Variants in NXN observed in about 807,000 individuals in gnomAD.
NXN encodes the protein nucleoredoxin 1.
In NXN, 16 loss-of-function variants were observed where a neutral mutation model predicts 48.6. The ratio of observed to expected loss-of-function variants is 0.33; its 90% CI spans 0.22 to 0.50. The LOEUF is 0.50. Among genes scored for constraint, NXN ranks in the 20% least tolerant of loss-of-function variants. The pLI, the probability that NXN is intolerant of heterozygous loss-of-function variation, is 0.98. For synonymous variants in NXN, 281 were observed against 269.6 expected, an observed-to-expected ratio of 1.04 and a Z score of -0.41; for missense variants, 492 against 605.5, an observed-to-expected ratio of 0.81 and a Z score of 1.97.
At chr17:927,580 CAAAAAAAA>C (rs71371593) in intron 1 of NXN, among the ~76,000 whole-genome samples, 1 of 117,624 alleles carries the variant, frequency 8.5e-6, no homozygotes, top group Non-Finnish European at 1.7e-5. Flanking sequence ...AACCTTGTCT[CAAAAAAAA>C]AAAAAAAAAA....
At position 917,825 on chromosome 17, in the gene NXN, G is replaced by A. The variant is rs2068703922; in HGVS notation, c.360+61494C>T. ...TGGGGACAAGGGCGGATGGGAAAGG[G>A]GATAAGCGACAGGAGAGGGGGGACT... On this transcript the variant is annotated intron_variant, in intron 1 of 7. Transcript: ENST00000336868. The surrounding 1 kb of genome is among the most constrained non-coding windows in gnomAD (Gnocchi z 4.5). 6.6e-6 allele frequency among the ~76,000 whole-genome samples: 1 copy of A among 152,186 alleles called. No homozygotes were observed. Among genetic ancestry groups the A allele is most frequent in the African/African-American group, 2.4e-5 (1 of 41,448 alleles).
intron 1 of NXN, among the ~76,000 whole-genome samples, chr17:951,840 C>T (rs1331933068): frequency 2.0e-5 from 3 of 152,112 alleles, no homozygotes; most frequent in African/African-American, 7.2e-5. Flanking sequence ...GGACGGGAGG[C>T]AGGAAAGCAA....
intron 1 of NXN, among the ~76,000 whole-genome samples, chr17:835,119 T>G (rs551290142): frequency 5.3e-5 from 8 of 150,682 alleles, no homozygotes; most frequent in Non-Finnish European, 1.0e-4. Context: ...CCATCCTGGC[T>G]AACATGGTGA....
chr17:927,816 A>C (rs1231892706), intron 1 of NXN, among the ~76,000 whole-genome samples: 1 of 151,514 alleles, frequency 6.6e-6, no homozygotes, highest in Non-Finnish European at 1.5e-5. Flanking sequence ...TTTCAAAAGA[A>C]CTCCTAGAGA....
At chr17:820,226 C>T (rs993800599) in intron 4 of NXN, among the ~76,000 whole-genome samples, 19 of 152,136 alleles carry the variant, frequency 1.2e-4, no homozygotes, top group African/African-American at 4.3e-4. Context: ...TAACATGGTA[C>T]GTACATTGGT....
rs200533384 is a variant in NXN, at chr17:819,500, G to A, written c.759C>T (p.Leu253=). The change falls in exon 5 of 8, where the codon CTC becomes CTT. Residue 253 remains leucine, a synonymous_variant. Transcript: ENST00000336868. The part of the protein sequence containing the change: ...FKQYFSEMPW[L]AVPYTDEARR... ...GGGCCTCATCCGTGTAGGGGACGGCGAGCCAGGGCATCTCACTGAAGTACT... is the reference window on the plus strand; with the variant it reads ...GGGCCTCATCCGTGTAGGGGACGGCAAGCCAGGGCATCTCACTGAAGTACT... 103 of 1,612,976 alleles carry A rather than the reference G, an allele frequency of 6.4e-5. 1 individual carries two copies. Among genetic ancestry groups the A allele is most frequent in the South Asian group, 2.4e-4 (22 of 90,952 alleles).
At chr17:968,279 T>C (rs1213383475) in intron 1 of NXN, among the ~76,000 whole-genome samples, 3 of 152,166 alleles carry the variant, frequency 2.0e-5, no homozygotes, top group African/African-American at 4.8e-5. Context: ...AAATAAATAA[T>C]ATTAAGAGAC....
At chr17:819,815 A>G (rs572713264) in intron 4 of NXN, among the ~76,000 whole-genome samples, 7 of 152,196 alleles carry the variant, frequency 4.6e-5, no homozygotes, top group Admixed American at 2.6e-4. Context: ...CTCAGGTCCA[A>G]CTTTCCATTT....
At chr17:893,199 T>A (rs914171373) in intron 1 of NXN, among the ~76,000 whole-genome samples, 9 of 152,218 alleles carry the variant, frequency 5.9e-5, no homozygotes, top group African/African-American at 1.9e-4. Flanking sequence ...CACGAGTCAA[T>A]CAGTGCAGTT....
At chr17:842,118 A>T (rs1337891352) in intron 1 of NXN, among the ~76,000 whole-genome samples, 1 of 152,152 alleles carries the variant, frequency 6.6e-6, no homozygotes, top group Non-Finnish European at 1.5e-5. Context: ...CCTGGGCGAC[A>T]GAGAGAGACT....
In NXN at chr17:919,641, C is replaced by G. The variant is rs112118561; in HGVS notation, c.360+59678G>C. On this transcript the variant is annotated intron_variant, in intron 1 of 7. Transcript: ENST00000336868. This position sits in a 1 kb window ranked among gnomAD's most constrained non-coding sequence, Gnocchi z 5.1. ...ATTCGTCCCACGCGGCCCTCAGACA[C>G]GGGCTCTGGTTCAAGGTGGGAGACA... is the stretch of plus-strand genomic sequence containing the variant. 5.1e-3 allele frequency among the ~76,000 whole-genome samples: 775 copies of G among 152,186 alleles called. 5 individuals are homozygous for G. Among genetic ancestry groups the G allele is most frequent in the African/African-American group, 0.017 (726 of 41,492 alleles).
At chr17:853,056 C>A (rs893255764) in intron 1 of NXN, among the ~76,000 whole-genome samples, 2 of 151,982 alleles carry the variant, frequency 1.3e-5, no homozygotes, top group African/African-American at 4.8e-5. Context: ...CAGCTCACTG[C>A]AAGCTCCACC....
intron 1 of NXN, among the ~76,000 whole-genome samples, chr17:867,895 C>CAA (rs201632429): frequency 8.2e-6 from 1 of 121,890 alleles, no homozygotes; most frequent in African/African-American, 3.0e-5. Context: ...GACTCCAACT[C>CAA]AAAAAAAAAA....
chr17:914,781 G>A (rs958753955), intron 1 of NXN, among the ~76,000 whole-genome samples: 4 of 152,182 alleles, frequency 2.6e-5, no homozygotes, highest in African/African-American at 9.6e-5. Flanking sequence ...GTTGGGTGTA[G>A]AGGAGGCGGA....
Position 826,953 on chromosome 17 carries a change from C to T in NXN, c.361-875G>A, listed in dbSNP as rs111563914. On this transcript the variant is annotated intron_variant, in intron 1 of 7. Coordinates refer to ENST00000336868, the MANE Select transcript of NXN (RefSeq NM_022463.5). ...AGCGTGGGCGGCCTCTGTTCGCCAT[C>T]GGGGTGAAGCCTCCTGTGTTCGTTC... Among the ~76,000 whole-genome samples the T allele has an allele frequency of 8.5e-3, 1,294 of 152,344 alleles. 21 individuals carry two copies. Among genetic ancestry groups the T allele is most frequent in the African/African-American group, 0.03 (1,232 of 41,584 alleles).
chr17:943,945 TAAC>T (rs980858063), intron 1 of NXN, among the ~76,000 whole-genome samples: 11 of 148,556 alleles, frequency 7.4e-5, no homozygotes, highest in African/African-American at 2.7e-4. Flanking sequence ...AAAAAAAAAA[TAAC>T]AATATTTGGC....
At chr17:943,694 C>A (rs138798560) in intron 1 of NXN, among the ~76,000 whole-genome samples, 3 of 151,508 alleles carry the variant, frequency 2.0e-5, no homozygotes, top group Admixed American at 1.3e-4. Context: ...TGGTGATGCA[C>A]GCCTGTAATC....
intron 1 of NXN, among the ~76,000 whole-genome samples, chr17:906,412 T>A (rs768119873): frequency 1.5e-4 from 23 of 152,204 alleles, no homozygotes; most frequent in Non-Finnish European, 2.8e-4. Flanking sequence ...CGTTTCCTAC[T>A]TAAACAGCTC....
chr17:901,311 T>C (rs1397384032), intron 1 of NXN, among the ~76,000 whole-genome samples: 1 of 152,122 alleles, frequency 6.6e-6, no homozygotes, highest in Non-Finnish European at 1.5e-5. Context: ...GGGGAGATGA[T>C]CTCTACATGA....
Sources: allele counts gnomAD v4.1 joint callset (sites outside exome capture counted in the v4.1 genomes callset), GRCh38; gene constraint gnomAD v4.1.1; non-coding constraint Gnocchi (gnomAD v3.1); transcripts MANE v1.5; gene names NCBI Gene and HGNC (gene_info 2026-07-23, HGNC 2026-07-21).